Variants in CAV1 observed in about 807,000 individuals in gnomAD.
The protein encoded by CAV1 is caveolin-1.
A neutral mutation model predicts 16.5 loss-of-function variants in CAV1; 10 were observed. The observed-to-expected ratio is 0.61, with a 90% confidence interval of 0.37 to 1.03. The LOEUF is 1.03. Among genes scored for constraint, CAV1 ranks in the 50% least tolerant of loss-of-function variants. The pLI is 0.01. For missense variants in CAV1, 212 were observed against 232.8 expected (o/e 0.91, Z 0.58); for synonymous variants, 76 against 85.1 (o/e 0.89, Z 0.59).
chr7:116,543,063 T>A (rs1053509665), intron 2 of CAV1: 4 of 152,148 alleles, frequency 2.6e-5, no homozygotes, highest in African/African-American at 9.7e-5. Context: ...AAGACTGAAT[T>A]TCAGTCCTTT....
At chr7:116,536,435 A>G (rs1180692301) in intron 2 of CAV1, among the ~76,000 whole-genome samples, 1 of 152,206 alleles carries the variant, frequency 6.6e-6, no homozygotes, top group Non-Finnish European at 1.5e-5. Context: ...TCATGTAATC[A>G]AAGGACAGGC....
At chr7:116,543,026 A>T (rs1176114691) in intron 2 of CAV1, 1 of 152,214 alleles carries the variant, frequency 6.6e-6, no homozygotes, top group Non-Finnish European at 1.5e-5. Flanking sequence ...TCCTCAGAGC[A>T]GACAAGGAAA....
chr7:116,546,695 C>CAAAAAAAAAAAAAAAAAAAAAA (rs1304783899), intron 2 of CAV1, among the ~76,000 whole-genome samples: 1 of 51,112 alleles, frequency 2.0e-5, no homozygotes, highest in African/African-American at 1.1e-4. Context: ...GAGACTCTGT[C>CAAAAAAAAAAAAAAAAAAAAAA]ACAAAAAAAA....
Position 116,525,081 on chromosome 7 carries a change from G to C in CAV1, c.19G>C (p.Val7Leu). Residue 7 changes from valine to leucine, a missense_variant, in exon 1 of 3, where the codon GTA becomes CTA. Physicochemically the swap from Val to Leu is conservative, Grantham distance 32. Coordinates refer to ENST00000341049, the MANE Select transcript of CAV1 (RefSeq NM_001753.5). ...GGCCAGCATGTCTGGGGGCAAATAC[G>C]TAGACTCGGAGGTAGGCATCCGTGG... The part of the protein sequence containing the change: MSGGKY[V>L]DSEGHLYTVP... 2 of 1,614,188 alleles carry C rather than the reference G, an allele frequency of 1.2e-6. No individual in the cohort carries two copies. The highest frequency in any genetic ancestry group is 1.7e-6 in the Non-Finnish European group (2 of 1,180,030).
chr7:116,550,581 T>A (rs1245244006), intron 2 of CAV1, among the ~76,000 whole-genome samples: 2 of 152,174 alleles, frequency 1.3e-5, no homozygotes, highest in African/African-American at 2.4e-5. Context: ...TAACATTTAA[T>A]TGTGCTATTT....
intron 2 of CAV1, among the ~76,000 whole-genome samples, chr7:116,539,985 C>T (rs924871020): frequency 6.6e-6 from 1 of 152,160 alleles, no homozygotes; most frequent in Non-Finnish European, 1.5e-5. Flanking sequence ...AGAGGAATGA[C>T]TAGATCAGGG....
intron 2 of CAV1, among the ~76,000 whole-genome samples, chr7:116,539,766 A>C (rs1793899680): frequency 6.6e-6 from 1 of 152,102 alleles, no homozygotes; most frequent in African/African-American, 2.4e-5. Flanking sequence ...ATGGGGGATA[A>C]GGCTAATCTC....
chr7:116,536,386 T>C (rs1243065259), intron 2 of CAV1, among the ~76,000 whole-genome samples: 1 of 152,206 alleles, frequency 6.6e-6, no homozygotes, highest in African/African-American at 2.4e-5. Context: ...AGTTTAGGGC[T>C]TAGTGGGGAA....
chr7:116,550,291 G>A (rs569728001), intron 2 of CAV1, among the ~76,000 whole-genome samples: 1 of 152,224 alleles, frequency 6.6e-6, no homozygotes, highest in African/African-American at 2.4e-5. Flanking sequence ...TTCCGCCAGG[G>A]GAGGTTACTT....
At chr7:116,525,469 G>A in intron 1 of CAV1, 1 of 1,334,108 alleles carries the variant, frequency 7.5e-7, no homozygotes, top group Non-Finnish European at 9.8e-7. Context: ...GTGGAGTGCA[G>A]GGTGGAGGTG....
At chr7:116,544,689 G>C (rs542727477) in intron 2 of CAV1, among the ~76,000 whole-genome samples, 6 of 152,290 alleles carry the variant, frequency 3.9e-5, no homozygotes, top group Non-Finnish European at 8.8e-5. Context: ...TGTAGAAAAG[G>C]GTTTGAGGAA....
chr7:116,542,951 A>G (rs1488530106), intron 2 of CAV1: 1 of 152,192 alleles, frequency 6.6e-6, no homozygotes. Flanking sequence ...ACAGGCAGAC[A>G]TCATTCTTTC....
chr7:116,548,993 A>C (rs1489743817), intron 2 of CAV1, among the ~76,000 whole-genome samples: 1 of 152,186 alleles, frequency 6.6e-6, no homozygotes, highest in Non-Finnish European at 1.5e-5. Context: ...CCCTTGTTCT[A>C]TGCATCCCTC....
intron 2 of CAV1, among the ~76,000 whole-genome samples, chr7:116,547,758 C>T (rs1024460862): frequency 8.5e-5 from 13 of 152,202 alleles, no homozygotes; most frequent in Admixed American, 2.0e-4. Context: ...CCGGTTGAGA[C>T]ACCTGGGCCA....
At chr7:116,547,433 A>G (rs1389148712) in intron 2 of CAV1, among the ~76,000 whole-genome samples, 1 of 152,218 alleles carries the variant, frequency 6.6e-6, no homozygotes, top group Admixed American at 6.5e-5. Flanking sequence ...ATGAAAAGGA[A>G]TTAATCCAAA....
chr7:116,536,800 G>A (rs1049101860), intron 2 of CAV1, among the ~76,000 whole-genome samples: 6 of 151,738 alleles, frequency 4.0e-5, no homozygotes, highest in African/African-American at 1.2e-4. Flanking sequence ...TCAGGAGATC[G>A]AGACCATCCT....
intron 2 of CAV1, among the ~76,000 whole-genome samples, chr7:116,552,308 C>T (rs1279564619): frequency 6.6e-6 from 1 of 152,148 alleles, no homozygotes; most frequent in Non-Finnish European, 1.5e-5. Flanking sequence ...GTAAAGCAAA[C>T]ATTTTCTGAT....
chr7:116,534,583 G>C (rs1302743293), intron 2 of CAV1, among the ~76,000 whole-genome samples: 1 of 149,938 alleles, frequency 6.7e-6, no homozygotes, highest in Non-Finnish European at 1.5e-5. Context: ...CTATTTTTTA[G>C]TAGAGACAGG....
At chr7:116,558,173 T>A (rs1794330622) in intron 2 of CAV1, among the ~76,000 whole-genome samples, 1 of 152,200 alleles carries the variant, frequency 6.6e-6, no homozygotes, top group Admixed American at 6.5e-5. Context: ...TTTGAAGAAT[T>A]GTTAACCGAT....
Sources: allele counts gnomAD v4.1 joint callset (sites outside exome capture counted in the v4.1 genomes callset), GRCh38; gene constraint gnomAD v4.1.1; transcripts MANE v1.5; gene names NCBI Gene and HGNC (gene_info 2026-07-23, HGNC 2026-07-21).